PTPRO: variants seen among roughly 807,000 people sequenced by gnomAD.
The protein encoded by PTPRO is receptor-type tyrosine-protein phosphatase O.
A neutral mutation model predicts 145.2 loss-of-function variants in PTPRO; 62 were observed. The ratio of observed to expected loss-of-function variants is 0.43; its 90% CI spans 0.35 to 0.53. PTPRO has a LOEUF of 0.53. Ranked by LOEUF, PTPRO falls within the 20% of genes least tolerant of loss-of-function variation. The probability of loss-of-function intolerance (pLI) is 0.01; values close to 1 mark genes in which losing one functional copy is unlikely to be tolerated. For missense variants in PTPRO, 1,345 were observed against 1,482.7 expected, an observed-to-expected ratio of 0.91 and a Z score of 1.53; for synonymous variants, 565 against 514.7, an observed-to-expected ratio of 1.10 and a Z score of -1.32.
chr12:15,477,293 T>G (rs1420649990), intron 1 of PTPRO, among the ~76,000 whole-genome samples: 1 of 128,448 alleles, frequency 7.8e-6, no homozygotes, highest in African/African-American at 3.0e-5. Context: ...TAGGTGGGAA[T>G]TGAACAATGA....
intron 1 of PTPRO, among the ~76,000 whole-genome samples, chr12:15,328,045 C>A (rs1286522130): frequency 6.6e-6 from 1 of 151,110 alleles, no homozygotes; most frequent in South Asian, 2.1e-4. Context: ...ACCCAGAAGG[C>A]GGAGGTTGCA....
chr12:15,392,253 G>C (rs915302062), intron 1 of PTPRO, among the ~76,000 whole-genome samples: 1 of 152,210 alleles, frequency 6.6e-6, no homozygotes, highest in Non-Finnish European at 1.5e-5. Context: ...ATCCGTATGA[G>C]AAGGTGTCAA....
chr12:15,453,111 G>T (rs1216390811), intron 1 of PTPRO, among the ~76,000 whole-genome samples: 1 of 151,860 alleles, frequency 6.6e-6, no homozygotes, highest in Non-Finnish European at 1.5e-5. Context: ...TGTATGCCTA[G>T]CAAGGAGAAA....
chr12:15,327,827 T>C (rs143629827), intron 1 of PTPRO, among the ~76,000 whole-genome samples: 26 of 152,234 alleles, frequency 1.7e-4, no homozygotes, highest in African/African-American at 5.8e-4. Context: ...ATAGGGTTTC[T>C]ATCAGCCAAT....
At chr12:15,588,121 G>A (rs1240240466) in intron 24 of PTPRO, among the ~76,000 whole-genome samples, 1 of 152,234 alleles carries the variant, frequency 6.6e-6, no homozygotes, top group African/African-American at 2.4e-5. Flanking sequence ...TTCAAGAACA[G>A]AAAATGAAGC....
intron 1 of PTPRO, among the ~76,000 whole-genome samples, chr12:15,482,251 A>T (rs1941794307): frequency 6.6e-6 from 1 of 151,982 alleles, no homozygotes; most frequent in Admixed American, 6.6e-5. Flanking sequence ...ACATAGATGA[A>T]CCTGAAGGAC....
chr12:15,485,788 T>C (rs1373867754), intron 2 of PTPRO, among the ~76,000 whole-genome samples: 1 of 152,192 alleles, frequency 6.6e-6, no homozygotes, highest in African/African-American at 2.4e-5. Flanking sequence ...TGAGTTCCAT[T>C]CAAAATATAT....
At chr12:15,482,288 A>C (rs1310226022) in intron 1 of PTPRO, among the ~76,000 whole-genome samples, 2 of 152,032 alleles carry the variant, frequency 1.3e-5, no homozygotes, top group African/African-American at 2.4e-5. Context: ...TAACCCAAGC[A>C]CTAGAAGATA....
At chr12:15,348,507 C>G (rs1361324369) in intron 1 of PTPRO, 3 of 152,154 alleles carry the variant, frequency 2.0e-5, no homozygotes, top group Admixed American at 2.0e-4. Flanking sequence ...GCCTGTAATC[C>G]CAGCACTTTG....
chr12:15,381,650 T>C (rs1591760579), intron 1 of PTPRO, among the ~76,000 whole-genome samples: 2 of 152,218 alleles, frequency 1.3e-5, no homozygotes, highest in Non-Finnish European at 2.9e-5. Flanking sequence ...TCATGTTTAC[T>C]GGCACATATT....
chr12:15,522,427 C>G (rs534974614), intron 10 of PTPRO, among the ~76,000 whole-genome samples: 4 of 151,842 alleles, frequency 2.6e-5, no homozygotes, highest in Non-Finnish European at 5.9e-5. Context: ...GCCCCCACCC[C>G]CCGACAGTTC....
intron 1 of PTPRO, among the ~76,000 whole-genome samples, chr12:15,351,326 C>T (rs1937795920): frequency 6.6e-6 from 1 of 152,118 alleles, no homozygotes; most frequent in African/African-American, 2.4e-5. Flanking sequence ...TTTTATTCTT[C>T]TTATAGGAAT....
intron 1 of PTPRO, among the ~76,000 whole-genome samples, chr12:15,385,995 G>C (rs1309826828): frequency 6.6e-6 from 1 of 151,960 alleles, no homozygotes; most frequent in Non-Finnish European, 1.5e-5. Context: ...CATATTTAGG[G>C]TTATGGAGCC....
At chr12:15,554,655 A>G (rs145914786) in intron 15 of PTPRO, among the ~76,000 whole-genome samples, 12 of 151,972 alleles carry the variant, frequency 7.9e-5, no homozygotes, top group Non-Finnish European at 1.3e-4. Flanking sequence ...TCCTTTTCAC[A>G]TTTTTCTGCC....
rs775307171 is a variant in PTPRO, at chr12:15,589,438, G to A, written c.3411-17G>A. 3.7e-6 allele frequency: 6 copies of A among 1,613,826 alleles called. No homozygotes were observed. The highest frequency in any genetic ancestry group is 1.1e-5 in the South Asian group (1 of 91,070). ...AGCACCATCTGAATAATATGCCATCGGAACATTCTTTTGCAGTGCTGGCGT... is the reference window on the plus strand; with the variant it reads ...AGCACCATCTGAATAATATGCCATCAGAACATTCTTTTGCAGTGCTGGCGT... On this transcript the variant is annotated splice_polypyrimidine_tract_variant and intron_variant, in intron 24 of 26. Coordinates refer to ENST00000281171, the MANE Select transcript of PTPRO (RefSeq NM_030667.3).
At chr12:15,453,626 A>C (rs1001622372) in intron 1 of PTPRO, among the ~76,000 whole-genome samples, 4 of 152,200 alleles carry the variant, frequency 2.6e-5, no homozygotes, top group Non-Finnish European at 5.9e-5. Context: ...TAAAAAGTTA[A>C]GTGTATATTT....
chr12:15,492,697 A>T (rs192236386), intron 2 of PTPRO, among the ~76,000 whole-genome samples: 3 of 152,320 alleles, frequency 2.0e-5, no homozygotes, highest in African/African-American at 7.2e-5. Context: ...AAGTTTACTA[A>T]TTGAAAAGCT....
rs1942835564 is a variant in PTPRO at position 15,526,268 on chromosome 12, A to G, written c.2164+6A>G. On this transcript the variant is annotated splice_donor_region_variant and intron_variant, in intron 12 of 26. Transcript: ENST00000281171. ...GCTCCGCCTTGTCAAGCTAGGTAAG[A>G]AGAGTGCACAGAGATGGGTGTGAAA... The G allele has an allele frequency of 6.2e-7, 1 of 1,613,688 alleles. No individual in the cohort carries two copies. Among genetic ancestry groups the G allele is most frequent in the Non-Finnish European group, 8.5e-7 (1 of 1,179,780 alleles).
intron 12 of PTPRO, among the ~76,000 whole-genome samples, chr12:15,532,345 A>G (rs1942979171): frequency 6.6e-6 from 1 of 152,136 alleles, no homozygotes. Flanking sequence ...CTTTTTAAAA[A>G]CTTTCAATAT....
Sources: gnomAD v4.1 joint callset for allele counts (sites outside exome capture counted in the v4.1 genomes callset) on GRCh38, gnomAD v4.1.1 for gene constraint, MANE v1.5 for transcripts, NCBI Gene and HGNC (gene_info 2026-07-23, HGNC 2026-07-21) for gene names.